The following RBFOX1 variants were observed in gnomAD, a reference collection of about 807,000 sequenced individuals.
The protein encoded by RBFOX1 is RNA binding protein fox-1 homolog 1.
In RBFOX1, 8 loss-of-function variants were observed where a neutral mutation model predicts 57.7. The observed-to-expected ratio is 0.14, with a 90% confidence interval of 0.08 to 0.25. The LOEUF is 0.25. Ranked by LOEUF, RBFOX1 falls within the 10% of genes least tolerant of loss-of-function variation. RBFOX1 has a pLI of 1.00. For missense variants in RBFOX1, 611 were observed against 548.5 expected (o/e 1.11, Z -1.14); for synonymous variants, 326 against 222.4 (o/e 1.47, Z -4.15).
chr16:6,617,645 G>A (rs1387076156), intron 2 of RBFOX1, among the ~76,000 whole-genome samples: 1 of 152,120 alleles, frequency 6.6e-6, no homozygotes, highest in East Asian at 1.9e-4. Flanking sequence ...AGGTGTCAGA[G>A]CCCATCACAG....
At chr16:7,516,162 C>T (rs545160897) in intron 4 of RBFOX1, among the ~76,000 whole-genome samples, 1 of 152,258 alleles carries the variant, frequency 6.6e-6, no homozygotes, top group South Asian at 2.1e-4. Context: ...CAGTTCTTGG[C>T]AGCTCCAGGC....
chr16:7,421,370 C>T (rs1216985703), intron 4 of RBFOX1, among the ~76,000 whole-genome samples: 1 of 152,130 alleles, frequency 6.6e-6, no homozygotes, highest in Admixed American at 6.6e-5. Context: ...CATGTATTTG[C>T]CAGTTTAATG....
chr16:6,998,619 T>A (rs1217233094), intron 3 of RBFOX1, among the ~76,000 whole-genome samples: 1 of 152,192 alleles, frequency 6.6e-6, no homozygotes, highest in African/African-American at 2.4e-5. Context: ...TTTTGTTGCT[T>A]TTTGGTGTCT....
intron 3 of RBFOX1, among the ~76,000 whole-genome samples, chr16:5,840,448 A>G (rs1185624830): frequency 6.6e-6 from 1 of 152,074 alleles, no homozygotes; most frequent in Non-Finnish European, 1.5e-5. Flanking sequence ...GCGGGGTAGA[A>G]AGTCATTTTG....
intron 3 of RBFOX1, among the ~76,000 whole-genome samples, chr16:6,825,590 C>G (rs993067125): frequency 1.3e-5 from 2 of 152,110 alleles, no homozygotes; most frequent in Admixed American, 6.5e-5. Context: ...GTTCCATTTT[C>G]TCTTCCTTTT....
intron 1 of RBFOX1, among the ~76,000 whole-genome samples, chr16:5,290,461 C>A (rs1283211741): frequency 1.3e-5 from 2 of 152,072 alleles, no homozygotes; most frequent in Non-Finnish European, 2.9e-5. Flanking sequence ...AAAATTGATC[C>A]TGATGGTGGT....
chr16:6,494,698 A>G (rs1340722861), intron 2 of RBFOX1, among the ~76,000 whole-genome samples: 1 of 152,248 alleles, frequency 6.6e-6, no homozygotes, highest in East Asian at 1.9e-4. Flanking sequence ...ATGCCCAGGA[A>G]TGGGCCTTGG....
intron 1 of RBFOX1, among the ~76,000 whole-genome samples, chr16:6,043,787 G>A (rs530320472): frequency 6.6e-6 from 1 of 152,148 alleles, no homozygotes; most frequent in South Asian, 2.1e-4. Flanking sequence ...TCTGCTTATG[G>A]GGAGTTTTGG....
At chr16:6,685,535 T>G (rs1025458268) in intron 3 of RBFOX1, among the ~76,000 whole-genome samples, 2 of 151,444 alleles carry the variant, frequency 1.3e-5, no homozygotes, top group Admixed American at 6.6e-5. Context: ...TGATCCGCGT[T>G]CCTCACTCTC....
intron 1 of RBFOX1, among the ~76,000 whole-genome samples, chr16:6,150,935 A>G (rs1266011277): frequency 2.6e-5 from 4 of 152,142 alleles, no homozygotes; most frequent in Non-Finnish European, 4.4e-5. Context: ...TGGGCGCCCT[A>G]CATTTGTGCT....
At chr16:7,407,212 A>G (rs2098358491) in intron 4 of RBFOX1, among the ~76,000 whole-genome samples, 2 of 152,136 alleles carry the variant, frequency 1.3e-5, no homozygotes, top group African/African-American at 4.8e-5. Context: ...TCACATCCAT[A>G]AACTCCCTCT....
chr16:7,246,995 C>A (rs774639317), intron 4 of RBFOX1, among the ~76,000 whole-genome samples: 5 of 152,180 alleles, frequency 3.3e-5, no homozygotes, highest in Non-Finnish European at 5.9e-5. Context: ...CCTATTGGTC[C>A]CCAGCAATCA....
At chr16:6,664,220 C>T (rs561590322) in intron 3 of RBFOX1, among the ~76,000 whole-genome samples, 2 of 152,260 alleles carry the variant, frequency 1.3e-5, no homozygotes, top group Admixed American at 6.5e-5. Flanking sequence ...TTTGCTGTGT[C>T]GCTTGGCTTT....
chr16:7,632,505 G>C (rs1315449951), intron 11 of RBFOX1, among the ~76,000 whole-genome samples: 1 of 152,216 alleles, frequency 6.6e-6, no homozygotes, highest in Non-Finnish European at 1.5e-5. Context: ...GGCAATCCCA[G>C]AGCCAGTGTG....
At chr16:7,193,047 C>G (rs1401215453) in intron 4 of RBFOX1, among the ~76,000 whole-genome samples, 1 of 152,174 alleles carries the variant, frequency 6.6e-6, no homozygotes, top group Non-Finnish European at 1.5e-5. Context: ...TCTCTGGAAC[C>G]TGTGAGCATG....
At chr16:5,861,507 C>G (rs186674479) in intron 3 of RBFOX1, among the ~76,000 whole-genome samples, 205 of 152,338 alleles carry the variant, frequency 1.3e-3, no homozygotes, top group African/African-American at 4.7e-3. Flanking sequence ...ATCTGTTATT[C>G]AATTTGCTCT....
At chr16:6,796,699 T>C (rs1201931718) in intron 3 of RBFOX1, among the ~76,000 whole-genome samples, 1 of 152,204 alleles carries the variant, frequency 6.6e-6, no homozygotes, top group Non-Finnish European at 1.5e-5. Flanking sequence ...TAAGAGATTC[T>C]TTTTTGATGA....
At chr16:6,513,544 G>T (rs8057780) in intron 2 of RBFOX1, among the ~76,000 whole-genome samples, 118 of 152,134 alleles carry the variant, frequency 7.8e-4, no homozygotes, top group African/African-American at 2.7e-3. Flanking sequence ...GACCAGCCTA[G>T]CCAACATGGT....
intron 4 of RBFOX1, among the ~76,000 whole-genome samples, chr16:7,227,124 A>G (rs886263069): frequency 6.6e-6 from 1 of 152,012 alleles, no homozygotes; most frequent in Admixed American, 6.6e-5. Context: ...GAGATATTTG[A>G]GTTTGAAAAT....
Sources: gnomAD v4.1 joint callset for allele counts (sites outside exome capture counted in the v4.1 genomes callset) on GRCh38, gnomAD v4.1.1 for gene constraint, MANE v1.5 for transcripts, NCBI Gene and HGNC (gene_info 2026-07-23, HGNC 2026-07-21) for gene names.